MVB12B: variants seen among roughly 807,000 people sequenced by gnomAD.
MVB12B encodes multivesicular body subunit 12B, also known as ESCRT-I complex subunit MVB12B.
MVB12B carries 16 observed loss-of-function variants against 41.6 expected under a neutral mutation model. The ratio of observed to expected loss-of-function variants is 0.38; its 90% CI spans 0.26 to 0.58. MVB12B has a LOEUF of 0.58. MVB12B is among the 20% of genes least tolerant of loss of function. The probability of loss-of-function intolerance (pLI) is 0.62; values close to 1 mark genes in which losing one functional copy is unlikely to be tolerated. For missense variants in MVB12B, 274 were observed against 380.2 expected, an observed-to-expected ratio of 0.72 and a Z score of 2.32; for synonymous variants, 133 against 139.7, an observed-to-expected ratio of 0.95 and a Z score of 0.34.
chr9:126,414,270 A>G (rs889492140), intron 6 of MVB12B, among the ~76,000 whole-genome samples: 3 of 152,136 alleles, frequency 2.0e-5, no homozygotes, highest in African/African-American at 7.2e-5. Context: ...TCCCCTCAGC[A>G]TGTATTTAGC....
intron 9 of MVB12B, among the ~76,000 whole-genome samples, chr9:126,500,853 G>A (rs10121265): frequency 0.28 from 43,135 of 152,126 alleles, 7,928 homozygotes; most frequent in African/African-American, 0.52. Context: ...CCTGCCCCGC[G>A]AAGCCCTCCT....
At chr9:126,411,922 G>GCT (rs1232183695) in intron 6 of MVB12B, among the ~76,000 whole-genome samples, 1 of 152,174 alleles carries the variant, frequency 6.6e-6, no homozygotes, top group Non-Finnish European at 1.5e-5. Flanking sequence ...AGGAATCCTG[G>GCT]CTGTGAAGTC....
chr9:126,467,315 C>T (rs1833220559), intron 7 of MVB12B, among the ~76,000 whole-genome samples: 2 of 152,168 alleles, frequency 1.3e-5, no homozygotes, highest in African/African-American at 4.8e-5. Flanking sequence ...CAGGAATCCT[C>T]CTGAGGCCAT....
In MVB12B at chr9:126,468,630, A is replaced by G. The variant is rs1431490118; in HGVS notation, c.758-12739A>G. Among the ~76,000 whole-genome samples the G allele has an allele frequency of 6.6e-6, 1 of 152,180 alleles. No individual in the cohort carries two copies. The highest frequency in any genetic ancestry group is 2.4e-5 in the African/African-American group (1 of 41,438). The stretch of plus-strand genomic sequence containing the variant: ...TACTGCCACTGCCCTCATCCGGGCC[A>G]CCAGCGTCCCTCGCCTGGTTCAGTG... On this transcript the variant is annotated intron_variant, in intron 7 of 9. Transcript: ENST00000361171. The surrounding 1 kb of genome is among the most constrained non-coding windows in gnomAD (Gnocchi z 4.3).
At chr9:126,479,676 A>C (rs1383869333) in intron 7 of MVB12B, among the ~76,000 whole-genome samples, 3 of 152,164 alleles carry the variant, frequency 2.0e-5, no homozygotes, top group African/African-American at 7.2e-5. Context: ...AAGGCCTCTG[A>C]CCAGGAGTCT....
Position 126,326,923 on chromosome 9 carries a change from C to A in MVB12B, c.-7C>A. ...CCGGGCCCGGCCCCTCCCGCGCCGCCCGGGCGATGAGAAGCTGCTTCTGCG... is the reference window on the plus strand; with the variant it reads ...CCGGGCCCGGCCCCTCCCGCGCCGCACGGGCGATGAGAAGCTGCTTCTGCG... On this transcript the variant is annotated 5_prime_UTR_variant, in exon 1 of 10. Coordinates refer to ENST00000361171, the MANE Select transcript of MVB12B (RefSeq NM_033446.3). 3.8e-6 allele frequency: 1 copy of A among 266,360 alleles called. No individual in the cohort carries two copies. The allele number at this position is 266,360 out of a possible 1,614,324, so 16.5% of individuals were successfully genotyped here. A position where few individuals can be genotyped will look rare whatever the true frequency, so the allele number is the denominator to read the frequency against.
At chr9:126,399,333 C>T (rs1367093909) in intron 6 of MVB12B, among the ~76,000 whole-genome samples, 2 of 152,248 alleles carry the variant, frequency 1.3e-5, no homozygotes, top group African/African-American at 4.8e-5. Flanking sequence ...CGCTCCATCC[C>T]CTGCCTGCCT....
intron 7 of MVB12B, among the ~76,000 whole-genome samples, chr9:126,425,013 C>T (rs1227589470): frequency 3.9e-5 from 6 of 152,194 alleles, no homozygotes; most frequent in Non-Finnish European, 7.3e-5. Flanking sequence ...ACTTTTCAGC[C>T]ATCTAGAAGT....
chr9:126,373,579 C>T (rs1373885608), intron 2 of MVB12B, among the ~76,000 whole-genome samples: 3 of 152,166 alleles, frequency 2.0e-5, no homozygotes, highest in African/African-American at 7.2e-5. Flanking sequence ...CTTGAAACAC[C>T]GGTGTGTAAA....
At chr9:126,466,710 C>T (rs1833208421) in intron 7 of MVB12B, among the ~76,000 whole-genome samples, 2 of 152,164 alleles carry the variant, frequency 1.3e-5, no homozygotes, top group Non-Finnish European at 2.9e-5. Flanking sequence ...CCTAGAGATG[C>T]ATACTTTATA....
At chr9:126,493,859 C>T (rs1333922349) in intron 9 of MVB12B, among the ~76,000 whole-genome samples, 1 of 152,170 alleles carries the variant, frequency 6.6e-6, no homozygotes, top group East Asian at 1.9e-4. Context: ...TTTACTGTTT[C>T]TGATGGCTTT....
chr9:126,339,167 A>G (rs1829368298), intron 1 of MVB12B, among the ~76,000 whole-genome samples: 2 of 152,182 alleles, frequency 1.3e-5, no homozygotes, highest in African/African-American at 2.4e-5. Flanking sequence ...TGTGGGTTCC[A>G]CTGACTTCAT....
intron 7 of MVB12B, among the ~76,000 whole-genome samples, chr9:126,465,479 C>T (rs1833179881): frequency 6.6e-6 from 1 of 152,162 alleles, no homozygotes; most frequent in Non-Finnish European, 1.5e-5. Context: ...CCCTTTTACT[C>T]TCAGATGGGG....
At chr9:126,430,576 C>CT (rs35379005) in intron 7 of MVB12B, among the ~76,000 whole-genome samples, 33,645 of 145,048 alleles carry the variant, frequency 0.23, 4,074 homozygotes, top group Middle Eastern at 0.28. Flanking sequence ...AGGCTCCCCT[C>CT]TTTTTTTTTT....
intron 5 of MVB12B, among the ~76,000 whole-genome samples, chr9:126,393,174 A>C (rs1213886336): frequency 6.6e-6 from 1 of 152,224 alleles, no homozygotes; most frequent in Non-Finnish European, 1.5e-5. Flanking sequence ...TGTAAGTGAC[A>C]GGAAACCCAA....
At chr9:126,396,760 C>G in intron 6 of MVB12B, 1 of 985,464 alleles carries the variant, frequency 1.0e-6, no homozygotes, top group Non-Finnish European at 1.2e-6. Flanking sequence ...GGTATTTAAA[C>G]TTAACTACCC....
At chr9:126,411,750 C>A (rs1831658948) in intron 6 of MVB12B, among the ~76,000 whole-genome samples, 1 of 151,380 alleles carries the variant, frequency 6.6e-6, no homozygotes, top group African/African-American at 2.4e-5. Flanking sequence ...AAAACCACAA[C>A]TGAAAATATT....
In MVB12B at chr9:126,506,640, G is replaced by C. The variant is rs1342843391; in HGVS notation, c.*3377G>C. On this transcript the variant is annotated 3_prime_UTR_variant, in exon 10 of 10. Transcript: ENST00000361171. ...TGAACCTAAGGATGAAAGCAAAGGA[G>C]GGCCTTGAGGAAGCAGCCCCCAGGC... 1 of 152,334 alleles carries C rather than the reference G, an allele frequency of 6.6e-6. No individual in the cohort carries two copies. The highest frequency in any genetic ancestry group is 1.5e-5 in the Non-Finnish European group (1 of 68,106). 9.4% of individuals were successfully genotyped at this position (152,334 alleles called of 1,614,324 possible).
rs1355254844 is a variant in MVB12B, at chr9:126,376,919, C to T, written c.205-4145C>T. ...TAAACTTGCACTTGCTCCCCCGCCC[C>T]CACCCCAATGGTGTCTGGTGATTCT... On this transcript the variant is annotated intron_variant, in intron 2 of 9. Coordinates refer to ENST00000361171, the MANE Select transcript of MVB12B (RefSeq NM_033446.3). The surrounding 1 kb of genome is among the most constrained non-coding windows in gnomAD (Gnocchi z 4.1). Among the ~76,000 whole-genome samples the T allele has an allele frequency of 6.6e-6, 1 of 151,966 alleles. No individual in the cohort carries two copies. The highest frequency in any genetic ancestry group is 2.1e-4 in the South Asian group (1 of 4,802).
Sources: gnomAD v4.1 joint callset for allele counts (sites outside exome capture counted in the v4.1 genomes callset) on GRCh38, gnomAD v4.1.1 for gene constraint, Gnocchi (gnomAD v3.1) non-coding constraint, MANE v1.5 for transcripts, NCBI Gene and HGNC (gene_info 2026-07-23, HGNC 2026-07-21) for gene names.